Variants in PLEKHM3 observed in about 807,000 individuals in gnomAD.
PLEKHM3 encodes the protein pleckstrin homology domain containing M3.
A neutral mutation model predicts 81.8 loss-of-function variants in PLEKHM3; 45 were observed. The observed-to-expected ratio is 0.55, with a 90% CI of 0.43 to 0.71. The LOEUF is 0.71. Among genes scored for constraint, PLEKHM3 ranks in the 30% least tolerant of loss-of-function variants. The pLI, the probability that PLEKHM3 is intolerant of heterozygous loss-of-function variation, is 0.00. For missense variants in PLEKHM3, 788 were observed against 924.3 expected (o/e 0.85, Z 1.91); for synonymous variants, 352 against 356.4 (o/e 0.99, Z 0.14).
intron 3 of PLEKHM3, among the ~76,000 whole-genome samples, chr2:207,974,246 G>A (rs1374760738): frequency 1.3e-5 from 2 of 152,014 alleles, no homozygotes; most frequent in Non-Finnish European, 2.9e-5. Context: ...TCCTTCTTTT[G>A]CTCACTTTTC....
chr2:207,895,542 A>G (rs1017571520), intron 6 of PLEKHM3, among the ~76,000 whole-genome samples: 1 of 152,160 alleles, frequency 6.6e-6, no homozygotes, highest in Non-Finnish European at 1.5e-5. Flanking sequence ...TTTGTTGTTC[A>G]GCTCTAAAGC....
At position 208,001,499 on chromosome 2, in the gene PLEKHM3, C is replaced by A. The variant is rs185339845; in HGVS notation, c.141G>T (p.Gly47=). The change falls in exon 2 of 8, where the codon GGG becomes GGT. Residue 47 remains glycine (G), a synonymous_variant. Transcript: ENST00000427836. ...CTGTTATGTTACTGAGTACCTCATG[C>A]CCCACCAGTTCAGGGACTTCCTGGA... ...YGIQEVPELV[G]HEVLSNITDN... is the part of the protein sequence containing the mutation. 736 of 1,614,178 alleles carry A rather than the reference C, an allele frequency of 4.6e-4. 2 individuals carry two copies. The African/African-American group carries it at 8.4e-3, about 18-fold the overall frequency.
At chr2:207,891,023 T>C (rs140940128) in intron 6 of PLEKHM3, among the ~76,000 whole-genome samples, 1 of 152,332 alleles carries the variant, frequency 6.6e-6, no homozygotes, top group East Asian at 1.9e-4. Context: ...TTGTTATCCA[T>C]GTCAGAGATG....
intron 6 of PLEKHM3, among the ~76,000 whole-genome samples, chr2:207,891,791 C>G (rs1688067792): frequency 6.6e-6 from 1 of 152,184 alleles, no homozygotes; most frequent in Admixed American, 6.5e-5. Context: ...TTATGAGGCA[C>G]TTTTTCTTGC....
chr2:207,924,422 T>A (rs925513814), intron 5 of PLEKHM3, among the ~76,000 whole-genome samples: 1 of 151,908 alleles, frequency 6.6e-6, no homozygotes, highest in Non-Finnish European at 1.5e-5. Flanking sequence ...TGGCAGCTCA[T>A]GCCTGTAATC....
chr2:207,930,981 G>C lies in PLEKHM3; in HGVS notation c.1831C>G (p.Leu611Val). Residue 611 changes from leucine to valine, a missense_variant, in exon 5 of 8, where the codon CTC becomes GTC. Transcript: ENST00000427836. ...VLRLRQRLKS[L>V]RAYLFSCRAA... Reference sequence around the variant, plus strand: ...CGGCAGCTGAACAAATAGGCTCGGAGCGACTTCAGCCGCTGCCGCAGCCGC... The same window carrying C: ...CGGCAGCTGAACAAATAGGCTCGGACCGACTTCAGCCGCTGCCGCAGCCGC... 1 of 1,613,764 alleles carries C rather than the reference G, an allele frequency of 6.2e-7. No individual in the cohort carries two copies. Among genetic ancestry groups the C allele is most frequent in the Non-Finnish European group, 8.5e-7 (1 of 1,179,690 alleles).
chr2:207,849,864 T>A (rs561259817), intron 7 of PLEKHM3, among the ~76,000 whole-genome samples: 2 of 152,292 alleles, frequency 1.3e-5, no homozygotes, highest in Admixed American at 1.3e-4. Flanking sequence ...CAGTAAGTAT[T>A]TATGTAACGC....
rs1448981475 is a variant in PLEKHM3, at chr2:207,952,064, A to G, written c.1547-5552T>C. On this transcript the variant is annotated intron_variant, in intron 3 of 7. Transcript: ENST00000427836. Reference sequence around the variant, plus strand: ...TTACCTAATTCAGTAAGGTAAATCCAGTCTTTTGCATTTAGAAGGTAGAAA... The same window carrying G: ...TTACCTAATTCAGTAAGGTAAATCCGGTCTTTTGCATTTAGAAGGTAGAAA... Among the ~76,000 whole-genome samples, 6 of 152,264 alleles carry G rather than the reference A, an allele frequency of 3.9e-5. No homozygotes were observed. In the East Asian group the frequency reaches 1.2e-3, roughly 29 times the overall value.
At chr2:207,917,963 T>C (rs752117776) in intron 5 of PLEKHM3, among the ~76,000 whole-genome samples, 26 of 152,180 alleles carry the variant, frequency 1.7e-4, no homozygotes, top group Non-Finnish European at 2.6e-4. Context: ...CTACCTAATA[T>C]ACTTGATTTT....
rs746129580 is a variant in PLEKHM3 at position 208,001,098 on chromosome 2, G to C, written c.542C>G (p.Pro181Arg). The C allele has an allele frequency of 1.8e-5, 28 of 1,581,954 alleles. No individual in the cohort carries two copies. The highest frequency in any genetic ancestry group is 8.1e-5 in the African/African-American group (6 of 73,656). The change falls in exon 2 of 8, where the codon CCG becomes CGG. Residue 181 changes from proline (P) to arginine (R), a missense_variant. Pro to Arg is a moderately radical substitution (Grantham distance 103). Coordinates refer to ENST00000427836, the MANE Select transcript of PLEKHM3 (RefSeq NM_001080475.3). ...CAGAAAAGATGGCCTGGTGACATGC[G>C]GGCCTTGAAGCAATGGCTGCTGCTG... ...QQQQQPLLQGPHVTRPSFLLP... is the reference protein window; with the variant it reads ...QQQQQPLLQGRHVTRPSFLLP...
intron 3 of PLEKHM3, among the ~76,000 whole-genome samples, chr2:207,955,422 A>T (rs937806093): frequency 6.6e-6 from 1 of 152,204 alleles, no homozygotes; most frequent in Non-Finnish European, 1.5e-5. Flanking sequence ...AAAATAAATA[A>T]ATAAGAACTA....
At chr2:207,850,699 AGAAAG>A (rs1280543845) in intron 7 of PLEKHM3, among the ~76,000 whole-genome samples, 1 of 152,242 alleles carries the variant, frequency 6.6e-6, no homozygotes, top group African/African-American at 2.4e-5. Flanking sequence ...TAAAAATGTC[AGAAAG>A]AAAGCTGCAT....
At chr2:207,865,714 A>T (rs2092492171) in intron 6 of PLEKHM3, among the ~76,000 whole-genome samples, 1 of 140,736 alleles carries the variant, frequency 7.1e-6, no homozygotes, top group East Asian at 2.2e-4. Context: ...CAGGAGGCAG[A>T]GGTTGCAGTG....
chr2:207,985,600 T>A (rs564743169), intron 2 of PLEKHM3, among the ~76,000 whole-genome samples: 1 of 152,072 alleles, frequency 6.6e-6, no homozygotes, highest in Admixed American at 6.5e-5. Flanking sequence ...ATAAAGTAAT[T>A]AGGTATGTTC....
chr2:207,918,870 T>C (rs1689088825), intron 5 of PLEKHM3, among the ~76,000 whole-genome samples: 1 of 152,194 alleles, frequency 6.6e-6, no homozygotes, highest in African/African-American at 2.4e-5. Flanking sequence ...CGCCAGTGCA[T>C]GTGGCTGCAT....
chr2:207,998,477 C>A (rs1390552612), intron 2 of PLEKHM3, among the ~76,000 whole-genome samples: 2 of 152,170 alleles, frequency 1.3e-5, no homozygotes, highest in Admixed American at 6.5e-5. Flanking sequence ...TACACCACTG[C>A]ACTCCAACCT....
chr2:207,916,045 G>A (rs1449210302), intron 5 of PLEKHM3, among the ~76,000 whole-genome samples: 2 of 152,142 alleles, frequency 1.3e-5, no homozygotes, highest in Non-Finnish European at 2.9e-5. Context: ...TGAGCTAATG[G>A]AAAAACAATT....
chr2:207,910,712 T>C (rs1211818661), intron 5 of PLEKHM3, among the ~76,000 whole-genome samples: 1 of 152,128 alleles, frequency 6.6e-6, no homozygotes, highest in South Asian at 2.1e-4. Flanking sequence ...TTTAGGCCGG[T>C]AGCAGTATAG....
chr2:208,002,699 A>G (rs1022591484), intron 1 of PLEKHM3, among the ~76,000 whole-genome samples: 1 of 152,196 alleles, frequency 6.6e-6, no homozygotes, highest in African/African-American at 2.4e-5. Flanking sequence ...ACCTGGGCAG[A>G]AAGAATCCTA....
Sources: allele counts gnomAD v4.1 joint callset (sites outside exome capture counted in the v4.1 genomes callset), GRCh38; gene constraint gnomAD v4.1.1; transcripts MANE v1.5; gene names NCBI Gene and HGNC (gene_info 2026-07-23, HGNC 2026-07-21).